The following RAD52 variants were observed in gnomAD, a reference collection of about 807,000 sequenced individuals.
The protein encoded by RAD52 is RAD52 DNA repair protein.
RAD52 carries 47 observed loss-of-function variants against 55.5 expected under a neutral mutation model. The ratio of observed to expected loss-of-function variants is 0.85; its 90% CI spans 0.67 to 1.08. RAD52 has a LOEUF of 1.08. RAD52 is among the 50% of genes least tolerant of loss of function. The probability of loss-of-function intolerance (pLI) is 0.00; values close to 1 mark genes in which losing one functional copy is unlikely to be tolerated. For synonymous variants in RAD52, 184 were observed against 198.9 expected, an observed-to-expected ratio of 0.92 and a Z score of 0.63; for missense variants, 468 against 522.8, an observed-to-expected ratio of 0.90 and a Z score of 1.02.
intron 1 of RAD52, among the ~76,000 whole-genome samples, chr12:985,423 C>A (rs73606354): frequency 0.039 from 6,010 of 152,240 alleles, 136 homozygotes; most frequent in Middle Eastern, 0.075. Context: ...AGATTACAGG[C>A]ATAAAGCCAC....
intron 1 of RAD52, among the ~76,000 whole-genome samples, chr12:981,957 G>C (rs1959023009): frequency 6.6e-6 from 1 of 152,146 alleles, no homozygotes; most frequent in Non-Finnish European, 1.5e-5. Flanking sequence ...TATTGGTCCT[G>C]GGTAGCAGCC....
intron 1 of RAD52, among the ~76,000 whole-genome samples, chr12:936,576 T>C (rs1230205087): frequency 2.0e-5 from 3 of 151,818 alleles, no homozygotes; most frequent in Non-Finnish European, 2.9e-5. Flanking sequence ...TACTGTAACC[T>C]TGACCTCCAG....
intron 1 of RAD52, among the ~76,000 whole-genome samples, chr12:964,917 A>G (rs1417211063): frequency 1.3e-5 from 2 of 151,692 alleles, no homozygotes; most frequent in East Asian, 1.9e-4. Context: ...TTTTGGATAC[A>G]CTTCTTCAGA....
In RAD52 at chr12:916,674, A is replaced by G. The variant is rs371554744; in HGVS notation, c.690T>C (p.His230=). ...QQVTSPSRPS[H]AVIPADQDCS... ...AGTCCTGGTCCGCCGGTATCACAGC[A>G]TGGCTGGGTCTGGAAGGGGAGGTCA... Residue 230 remains histidine (H), a synonymous_variant, in exon 8 of 12, where the codon CAT becomes CAC. Coordinates refer to ENST00000358495, the MANE Select transcript of RAD52 (RefSeq NM_134424.4). 4.3e-6 allele frequency: 7 copies of G among 1,613,830 alleles called. No individual in the cohort carries two copies. The highest frequency in any genetic ancestry group is 5.9e-6 in the Non-Finnish European group (7 of 1,179,958).
At chr12:956,025 C>G (rs1474894654) in intron 1 of RAD52, among the ~76,000 whole-genome samples, 8 of 152,168 alleles carry the variant, frequency 5.3e-5, no homozygotes, top group Non-Finnish European at 1.0e-4. Context: ...GAGCTTAAAT[C>G]TGGATTGATC....
At chr12:915,780 C>T (rs1325435621) in intron 9 of RAD52, among the ~76,000 whole-genome samples, 8 of 151,838 alleles carry the variant, frequency 5.3e-5, no homozygotes, top group Non-Finnish European at 8.8e-5. Context: ...TGCAGTGGCA[C>T]GATCTTGGTT....
chr12:955,742 G>A (rs1271863561), intron 1 of RAD52, among the ~76,000 whole-genome samples: 1 of 151,830 alleles, frequency 6.6e-6, no homozygotes, highest in Non-Finnish European at 1.5e-5. Flanking sequence ...AAAGTGCTGG[G>A]GTTACAGGTG....
At chr12:917,198 G>A (rs921252091) in intron 7 of RAD52, among the ~76,000 whole-genome samples, 3 of 152,272 alleles carry the variant, frequency 2.0e-5, no homozygotes, top group African/African-American at 4.8e-5. Flanking sequence ...CCTGCAAATC[G>A]CGCTCGTCAC....
At chr12:928,231 G>C (rs1957144550) in intron 5 of RAD52, among the ~76,000 whole-genome samples, 1 of 152,154 alleles carries the variant, frequency 6.6e-6, no homozygotes, top group Non-Finnish European at 1.5e-5. Flanking sequence ...AAATAAGTAG[G>C]CCGGGTGCGG....
At chr12:939,082 G>GTGTA (rs1372427140) in intron 1 of RAD52, among the ~76,000 whole-genome samples, 2 of 127,364 alleles carry the variant, frequency 1.6e-5, no homozygotes, top group Admixed American at 8.3e-5. Context: ...GTGTGTGTGT[G>GTGTA]TGTAGAGAGA....
intron 1 of RAD52, among the ~76,000 whole-genome samples, chr12:934,830 C>T (rs60875507): frequency 0.26 from 39,965 of 151,956 alleles, 5,447 homozygotes; most frequent in East Asian, 0.36. Context: ...TTAAAAAAAC[C>T]GGCCAGGTGT....
intron 9 of RAD52, among the ~76,000 whole-genome samples, chr12:915,204 G>A (rs533474921): frequency 2.6e-5 from 4 of 152,290 alleles, no homozygotes; most frequent in East Asian, 1.9e-4. Flanking sequence ...ACAATGGCTC[G>A]GGTTGTCTGC....
upstream of RAD52, among the ~76,000 whole-genome samples, chr12:954,339 T>C (rs930347725): frequency 6.6e-6 from 1 of 152,114 alleles, no homozygotes; most frequent in East Asian, 1.9e-4. Context: ...CTTAAATTTT[T>C]TACAATAACA....
At chr12:937,387 A>G (rs1957693094) in intron 1 of RAD52, among the ~76,000 whole-genome samples, 2 of 151,998 alleles carry the variant, frequency 1.3e-5, no homozygotes, top group South Asian at 4.2e-4. Context: ...GTACCCAGGT[A>G]TAGCAGACAC....
chr12:952,782 C>T (rs1388141437), upstream of RAD52, among the ~76,000 whole-genome samples: 1 of 148,412 alleles, frequency 6.7e-6, no homozygotes, highest in Non-Finnish European at 1.5e-5. Flanking sequence ...ATCCCAGCTA[C>T]TTGGGAGGCT....
intron 3 of RAD52, among the ~76,000 whole-genome samples, chr12:930,936 A>T (rs952519744): frequency 2.6e-5 from 4 of 151,576 alleles, no homozygotes; most frequent in African/African-American, 9.7e-5. Context: ...CACTGGTCGG[A>T]CTCCAGCCTA....
intron 1 of RAD52, among the ~76,000 whole-genome samples, chr12:964,114 T>A (rs1474544268): frequency 6.6e-6 from 1 of 152,282 alleles, no homozygotes. Context: ...GGTTTGGGGT[T>A]CAGACAAGGC....
chr12:958,476 A>G (rs1958640495), intron 1 of RAD52, among the ~76,000 whole-genome samples: 1 of 152,106 alleles, frequency 6.6e-6, no homozygotes, highest in Non-Finnish European at 1.5e-5. Context: ...TTGGCCTTCC[A>G]TTGTGCTGGG....
At chr12:950,316 A>T (rs188251500), upstream of RAD52, among the ~76,000 whole-genome samples, 23 of 152,272 alleles carry the variant, frequency 1.5e-4, no homozygotes, top group African/African-American at 5.5e-4. Flanking sequence ...TCAGGCCTGT[A>T]ATCCCACCAC....
Sources: gnomAD v4.1 joint callset for allele counts (sites outside exome capture counted in the v4.1 genomes callset) on GRCh38, gnomAD v4.1.1 for gene constraint, MANE v1.5 for transcripts, NCBI Gene and HGNC (gene_info 2026-07-23, HGNC 2026-07-21) for gene names.